BAIAP2L1: variants seen among roughly 807,000 people sequenced by gnomAD.
BAIAP2L1 encodes the protein BAR/IMD domain-containing adapter protein 2-like 1.
BAIAP2L1 carries 35 observed loss-of-function variants against 66.3 expected under a neutral mutation model. The ratio of observed to expected loss-of-function variants is 0.53; its 90% CI spans 0.40 to 0.70. The LOEUF is 0.70. Ranked by LOEUF, BAIAP2L1 falls within the 30% of genes least tolerant of loss-of-function variation. The probability of loss-of-function intolerance (pLI) is 0.00; values close to 1 mark genes in which losing one functional copy is unlikely to be tolerated. For synonymous variants in BAIAP2L1, 269 were observed against 248.7 expected, an observed-to-expected ratio of 1.08 and a Z score of -0.77; for missense variants, 622 against 656.9, an observed-to-expected ratio of 0.95 and a Z score of 0.58.
At chr7:98,370,381 A>AG in intron 1 of BAIAP2L1, among the ~76,000 whole-genome samples, 2 of 151,744 alleles carry the variant, frequency 1.3e-5, no homozygotes, top group South Asian at 4.2e-4. Flanking sequence ...TCAAAAAAAA[A>AG]AAAAAAAAAA....
At chr7:98,308,122 G>C (rs1162395221) in intron 9 of BAIAP2L1, 1 of 664,752 alleles carries the variant, frequency 1.5e-6, no homozygotes, top group East Asian at 3.0e-5. Context: ...CCGTGCAGAA[G>C]AGGATCCCTG....
intron 3 of BAIAP2L1, among the ~76,000 whole-genome samples, chr7:98,332,809 C>CAAAA (rs55756451): frequency 0.046 from 3,783 of 82,880 alleles, 16 homozygotes; most frequent in Non-Finnish European, 0.062. Context: ...ACTTCGTCCC[C>CAAAA]AAAAAAAAAA....
At chr7:98,351,959 G>A (rs992811116) in intron 3 of BAIAP2L1, among the ~76,000 whole-genome samples, 1 of 152,090 alleles carries the variant, frequency 6.6e-6, no homozygotes, top group African/African-American at 2.4e-5. Context: ...ACACCCCTTC[G>A]AGTTTTCTCA....
rs551654309 is a variant in BAIAP2L1, at chr7:98,292,704, A to C, written c.*817T>G. 47 of 1,551,660 alleles carry C rather than the reference A, an allele frequency of 3.0e-5. 1 individual carries two copies. In the African/African-American group the frequency reaches 6.2e-4, roughly 20 times the overall value. On this transcript the variant is annotated 3_prime_UTR_variant, in exon 14 of 14. Transcript: ENST00000005260. Reference sequence around the variant, plus strand: ...GTCTGTACCTGATTCAAACACGGAGAAACCAGGACCCCGAGCAGTTTGAGT... The same window carrying C: ...GTCTGTACCTGATTCAAACACGGAGCAACCAGGACCCCGAGCAGTTTGAGT...
chr7:98,315,884 T>G (rs1331134949), intron 6 of BAIAP2L1, among the ~76,000 whole-genome samples: 1 of 152,150 alleles, frequency 6.6e-6, no homozygotes, highest in African/African-American at 2.4e-5. Flanking sequence ...ACTTCAGAGA[T>G]ATGATCGTGT....
chr7:98,302,962 T>G (rs1800489557), intron 12 of BAIAP2L1, among the ~76,000 whole-genome samples: 1 of 152,132 alleles, frequency 6.6e-6, no homozygotes, highest in Non-Finnish European at 1.5e-5. Context: ...TTTTTTATAT[T>G]TTTTGTCTAC....
chr7:98,338,449 G>A (rs921163425), intron 3 of BAIAP2L1, among the ~76,000 whole-genome samples: 2 of 149,128 alleles, frequency 1.3e-5, no homozygotes, highest in South Asian at 2.1e-4. Flanking sequence ...AAGACATGCC[G>A]TTAAGCAGCC....
At chr7:98,363,705 A>C (rs1172942456) in intron 1 of BAIAP2L1, among the ~76,000 whole-genome samples, 1 of 152,074 alleles carries the variant, frequency 6.6e-6, no homozygotes, top group African/African-American at 2.4e-5. Flanking sequence ...CATGATATTA[A>C]TCACCCCAAA....
At chr7:98,339,417 T>C (rs1168923424) in intron 3 of BAIAP2L1, among the ~76,000 whole-genome samples, 2 of 152,206 alleles carry the variant, frequency 1.3e-5, no homozygotes, top group African/African-American at 4.8e-5. Flanking sequence ...TTTTAACAGT[T>C]TTGTTAAGTC....
At chr7:98,300,551 T>G (rs1800379030) in intron 12 of BAIAP2L1, among the ~76,000 whole-genome samples, 1 of 152,184 alleles carries the variant, frequency 6.6e-6, no homozygotes, top group Non-Finnish European at 1.5e-5. Context: ...GGCTGAGATT[T>G]CAGAACTGGG....
intron 1 of BAIAP2L1, chr7:98,400,298 AGGAGAGGAGGG>A (rs1803327495): frequency 2.2e-5 from 1 of 46,272 alleles, no homozygotes; most frequent in Non-Finnish European, 4.5e-5. Context: ...GAGAAGGGCC[AGGAGAGGAGGG>A]GGAGACACAC....
intron 12 of BAIAP2L1, among the ~76,000 whole-genome samples, chr7:98,298,600 A>G (rs937830430): frequency 5.3e-5 from 8 of 152,124 alleles, no homozygotes; most frequent in Admixed American, 3.3e-4. Context: ...GTGACAGAGC[A>G]AGACTCTGTC....
intron 3 of BAIAP2L1, among the ~76,000 whole-genome samples, chr7:98,331,465 CT>C (rs34202570): frequency 0.12 from 13,620 of 115,388 alleles, 577 homozygotes; most frequent in South Asian, 0.22. Context: ...AAAGAAAAAT[CT>C]TTTTTTTTTT....
intron 2 of BAIAP2L1, among the ~76,000 whole-genome samples, chr7:98,359,911 A>C (rs1584484446): frequency 6.8e-6 from 1 of 146,426 alleles, no homozygotes; most frequent in Non-Finnish European, 1.5e-5. Flanking sequence ...GGAGCATGCC[A>C]CCATGCCCAG....
intron 5 of BAIAP2L1, among the ~76,000 whole-genome samples, chr7:98,318,579 A>AAC (rs1801149844): frequency 1.3e-5 from 2 of 151,168 alleles, no homozygotes; most frequent in Non-Finnish European, 2.9e-5. Flanking sequence ...ACGCCCAGTG[A>AAC]ACACAGGGTC....
intron 1 of BAIAP2L1, among the ~76,000 whole-genome samples, chr7:98,394,262 A>AAACAAACAAAC (rs1562796522): frequency 1.2e-4 from 6 of 48,558 alleles, no homozygotes; most frequent in South Asian, 1.2e-3. Context: ...AACAAACAAA[A>AAACAAACAAAC]AAACCCACAC....
At chr7:98,319,368 G>A (rs1801176002) in intron 5 of BAIAP2L1, among the ~76,000 whole-genome samples, 1 of 152,176 alleles carries the variant, frequency 6.6e-6, no homozygotes, top group Admixed American at 6.5e-5. Flanking sequence ...GGCACACCGG[G>A]AGCCCCGGAC....
chr7:98,350,293 G>A (rs1291267386), intron 3 of BAIAP2L1, among the ~76,000 whole-genome samples: 2 of 151,898 alleles, frequency 1.3e-5, no homozygotes, highest in African/African-American at 4.8e-5. Flanking sequence ...CCTTGGCAGC[G>A]AGAAAGATGA....
intron 1 of BAIAP2L1, among the ~76,000 whole-genome samples, chr7:98,399,088 C>G (rs1803287987): frequency 6.6e-6 from 1 of 152,190 alleles, no homozygotes; most frequent in South Asian, 2.1e-4. Context: ...GTACCCCACA[C>G]CTCATGCAGC....
Sources: gnomAD v4.1 joint callset for allele counts (sites outside exome capture counted in the v4.1 genomes callset) on GRCh38, gnomAD v4.1.1 for gene constraint, MANE v1.5 for transcripts, NCBI Gene and HGNC (gene_info 2026-07-23, HGNC 2026-07-21) for gene names.